PKN2: variants seen among roughly 807,000 people sequenced by gnomAD.
PKN2 encodes serine/threonine-protein kinase N2.
A neutral mutation model predicts 119.1 loss-of-function variants in PKN2; 38 were observed. The observed-to-expected ratio is 0.32, with a 90% CI of 0.25 to 0.42. PKN2 has a LOEUF of 0.42. PKN2 is among the 10% of genes least tolerant of loss of function. The pLI is 1.00. For missense variants in PKN2, 850 were observed against 1,165.1 expected (o/e 0.73, Z 3.94); for synonymous variants, 390 against 384.9 (o/e 1.01, Z -0.15).
chr1:88,777,595 A>T (rs1414418448), intron 6 of PKN2, among the ~76,000 whole-genome samples: 1 of 152,162 alleles, frequency 6.6e-6, no homozygotes, highest in Non-Finnish European at 1.5e-5. Context: ...TGTAGAGACT[A>T]TTCTTTCTCA....
At chr1:88,747,062 CG>C (rs1480547620) in intron 2 of PKN2, among the ~76,000 whole-genome samples, 2 of 151,954 alleles carry the variant, frequency 1.3e-5, no homozygotes, top group Non-Finnish European at 2.9e-5. Context: ...AATTCATTGA[CG>C]TAGAAGAGAA....
At chr1:88,752,960 T>C (rs1408079550) in intron 2 of PKN2, among the ~76,000 whole-genome samples, 1 of 152,174 alleles carries the variant, frequency 6.6e-6, no homozygotes, top group Non-Finnish European at 1.5e-5. Flanking sequence ...ATGTTTCTTT[T>C]TCTTTCTTGT....
In PKN2 at chr1:88,814,184, T is replaced by C. The variant is rs992889502; in HGVS notation, c.2279+451T>C. Among the ~76,000 whole-genome samples, 13 of 152,208 alleles carry C rather than the reference T, an allele frequency of 8.5e-5. No homozygotes were observed. In the East Asian group the frequency reaches 2.5e-3, roughly 29 times the overall value. On this transcript the variant is annotated intron_variant, in intron 16 of 21. Coordinates refer to ENST00000370521, the MANE Select transcript of PKN2 (RefSeq NM_006256.4). The stretch of plus-strand genomic sequence containing the variant: ...AAAAGAATATCAACTATTTGCGTCC[T>C]TGTGCGTAAAATATCTCTGAACAAA...
At chr1:88,757,229 A>AT (rs1312493870) in intron 2 of PKN2, among the ~76,000 whole-genome samples, 1 of 152,178 alleles carries the variant, frequency 6.6e-6, no homozygotes, top group African/African-American at 2.4e-5. Flanking sequence ...TCAAAAGGTT[A>AT]TTTTAAGGAT....
chr1:88,781,063 CT>C, intron 6 of PKN2: 1 of 1,132,078 alleles, frequency 8.8e-7, no homozygotes, highest in South Asian at 1.6e-5. Flanking sequence ...CTTTAAGCTC[CT>C]ACTGGACCAT....
chr1:88,725,407 G>C (rs1337645956), intron 1 of PKN2, among the ~76,000 whole-genome samples: 1 of 152,084 alleles, frequency 6.6e-6, no homozygotes, highest in African/African-American at 2.4e-5. Flanking sequence ...ATTTTCACAA[G>C]AATCTTTGTA....
chr1:88,763,625 AAG>A, intron 3 of PKN2, among the ~76,000 whole-genome samples: 2 of 151,514 alleles, frequency 1.3e-5, no homozygotes, highest in Non-Finnish European at 2.9e-5. Flanking sequence ...AAAAAAAAAA[AAG>A]AAAGTTCACA....
Position 88,813,680 on chromosome 1 carries a change from T to C in PKN2, c.2226T>C (p.Gly742=), listed in dbSNP as rs1671869674. The change falls in exon 16 of 22, where the codon GGT becomes GGC. Residue 742 remains glycine (G), a synonymous_variant. Transcript: ENST00000370521. ...HVCFVMEYAA[G]GDLMMHIHTD... is the part of the protein sequence containing the mutation. ...GCTTTGTAATGGAATATGCTGCCGG[T>C]GGGGACCTAATGATGCACATTCATA... 3 of 1,608,108 alleles carry C rather than the reference T, an allele frequency of 1.9e-6. No individual in the cohort carries two copies. The African/African-American group carries it at 4.0e-5, about 22-fold the overall frequency.
intron 12 of PKN2, 95 bp downstream of exon 12, chr1:88,806,112 T>G: frequency 9.2e-7 from 1 of 1,092,832 alleles, no homozygotes; most frequent in South Asian, 1.4e-5. Context: ...CATTTAAAAT[T>G]GCCACTGAAC....
intron 8 of PKN2, among the ~76,000 whole-genome samples, chr1:88,792,397 C>T (rs1393736183): frequency 6.6e-6 from 1 of 151,454 alleles, no homozygotes; most frequent in Non-Finnish European, 1.5e-5. Context: ...AGTGAGACTC[C>T]GTCTCAAAAA....
intron 6 of PKN2, among the ~76,000 whole-genome samples, chr1:88,780,259 A>G (rs1354283909): frequency 1.3e-5 from 2 of 152,130 alleles, no homozygotes; most frequent in East Asian, 3.8e-4. Context: ...ATAGCTATTA[A>G]TTTGTTAGGA....
At position 88,805,663 on chromosome 1, in the gene PKN2, T is replaced by A. The variant is rs373479229; in HGVS notation, c.1668T>A (p.Pro556=). The change falls in exon 11 of 22, where the codon CCT becomes CCA. Residue 556 remains proline, a synonymous_variant. Transcript: ENST00000370521. The part of the protein sequence containing the change: ...VVDVRIPQLA[P]PASDSTVTKL... ...ATGTACGCATCCCTCAACTAGCACC[T>A]CCAGCTAGGTATGTGTCTGAGATTT... 16 of 1,613,924 alleles carry A rather than the reference T, an allele frequency of 9.9e-6. No homozygotes were observed. Among genetic ancestry groups the A allele is most frequent in the African/African-American group, 1.3e-5 (1 of 74,926 alleles).
At chr1:88,738,810 C>G (rs1451075090) in intron 1 of PKN2, among the ~76,000 whole-genome samples, 2 of 152,176 alleles carry the variant, frequency 1.3e-5, no homozygotes, top group African/African-American at 4.8e-5. Flanking sequence ...TATTTTTTAT[C>G]TAAGCATTTT....
chr1:88,829,081 G>A (rs1672625701), intron 19 of PKN2: 2 of 682,208 alleles, frequency 2.9e-6, no homozygotes, highest in African/African-American at 3.5e-5. Context: ...GGGAAGCAAA[G>A]TAGAATTTCG....
chr1:88,817,720 A>G (rs187719620), intron 16 of PKN2, among the ~76,000 whole-genome samples: 1,883 of 145,208 alleles, frequency 0.013, 18 homozygotes, highest in Middle Eastern at 0.018. Context: ...AAAAAAAAAA[A>G]AAGAAAAGAA....
intron 18 of PKN2, 63 bp from the exon 19 acceptor site, chr1:88,828,418 A>AT (rs922632086): frequency 8.4e-3 from 10,816 of 1,283,366 alleles, no homozygotes; most frequent in South Asian, 0.012. Flanking sequence ...GATAGCTTTG[A>AT]TTTTTTTTTT....
At chr1:88,686,688 TTACTTATA>T (rs1384741136) in intron 1 of PKN2, among the ~76,000 whole-genome samples, 1 of 152,136 alleles carries the variant, frequency 6.6e-6, no homozygotes, top group Non-Finnish European at 1.5e-5. Flanking sequence ...TTTGCGACTA[TTACTTATA>T]TCAACACTTA....
At chr1:88,789,691 T>TAAC (rs1553155765) in intron 8 of PKN2, among the ~76,000 whole-genome samples, 1 of 123,234 alleles carries the variant, frequency 8.1e-6, no homozygotes, top group African/African-American at 3.0e-5. Flanking sequence ...ATAATAATAA[T>TAAC]AACAACAACA....
intron 8 of PKN2, among the ~76,000 whole-genome samples, chr1:88,791,223 G>C (rs764198575): frequency 6.6e-6 from 1 of 152,046 alleles, no homozygotes; most frequent in Non-Finnish European, 1.5e-5. Context: ...AGATCACTTG[G>C]TCAGGTGTTT....
Sources: allele counts gnomAD v4.1 joint callset (sites outside exome capture counted in the v4.1 genomes callset), GRCh38; gene constraint gnomAD v4.1.1; transcripts MANE v1.5; gene names NCBI Gene and HGNC (gene_info 2026-07-23, HGNC 2026-07-21).